Variants in PRKN observed in about 807,000 individuals in gnomAD.
PRKN encodes E3 ubiquitin-protein ligase parkin.
PRKN carries 56 observed loss-of-function variants against 59.5 expected under a neutral mutation model. The ratio of observed to expected loss-of-function variants is 0.94; its 90% CI spans 0.76 to 1.18. The LOEUF is 1.18. PRKN is among the 50% of genes most tolerant of loss of function. The pLI, the probability that PRKN is intolerant of heterozygous loss-of-function variation, is 0.00. For missense variants in PRKN, 657 were observed against 596.4 expected (o/e 1.10, Z -1.06); for synonymous variants, 250 against 222.1 (o/e 1.13, Z -1.12).
chr6:162,319,129 G>T lies in PRKN; in HGVS notation c.172-56364C>A, dbSNP rs1317014059. 2.0e-5 allele frequency among the ~76,000 whole-genome samples: 3 copies of T among 151,850 alleles called. 1 individual carries two copies. The South Asian group carries it at 6.2e-4, about 31-fold the overall frequency. ...GTCACAAATTGATTTTTTTATAATA[G>T]TGTGTAATTACGAAATAAGAAACAA... On this transcript the variant is annotated intron_variant, in intron 2 of 11. Coordinates refer to ENST00000366898, the MANE Select transcript of PRKN (RefSeq NM_004562.3).
At chr6:161,630,942 A>C (rs1215913976) in intron 7 of PRKN, among the ~76,000 whole-genome samples, 5 of 152,236 alleles carry the variant, frequency 3.3e-5, no homozygotes, top group African/African-American at 1.2e-4. Context: ...AATAGGATAC[A>C]GACAAAAACA....
intron 7 of PRKN, among the ~76,000 whole-genome samples, chr6:161,768,559 AAAAC>A (rs1444659809): frequency 6.6e-6 from 1 of 152,090 alleles, no homozygotes; most frequent in Non-Finnish European, 1.5e-5. Flanking sequence ...AAAAGATAGA[AAAAC>A]AAAAAAAATT....
At chr6:162,514,000 T>C (rs903164026) in intron 1 of PRKN, among the ~76,000 whole-genome samples, 18 of 151,644 alleles carry the variant, frequency 1.2e-4, no homozygotes, top group Non-Finnish European at 2.4e-4. Context: ...AAGCCAAGAT[T>C]GCACCACTGC....
chr6:161,778,719 G>C (rs1790061750), intron 7 of PRKN, among the ~76,000 whole-genome samples: 1 of 152,068 alleles, frequency 6.6e-6, no homozygotes, highest in South Asian at 2.1e-4. Context: ...AACCTCCAGA[G>C]AAACATTCCA....
chr6:161,571,278 T>C (rs1004572328), intron 7 of PRKN, among the ~76,000 whole-genome samples: 2 of 152,216 alleles, frequency 1.3e-5, no homozygotes, highest in African/African-American at 4.8e-5. Flanking sequence ...ACAAAATTGA[T>C]ATAAAAACCT....
At chr6:161,364,931 A>T (rs1785136592) in intron 10 of PRKN, among the ~76,000 whole-genome samples, 1 of 70,518 alleles carries the variant, frequency 1.4e-5, no homozygotes, top group Non-Finnish European at 3.2e-5. Flanking sequence ...ACTTTGTCTC[A>T]AAAAAAAAAA....
chr6:162,078,716 A>G (rs1419731575), intron 4 of PRKN, among the ~76,000 whole-genome samples: 1 of 152,078 alleles, frequency 6.6e-6, no homozygotes, highest in Non-Finnish European at 1.5e-5. Flanking sequence ...AAAACTATAA[A>G]TAATGTATTG....
chr6:162,174,304 T>C (rs1261798867), intron 4 of PRKN, among the ~76,000 whole-genome samples: 1 of 152,200 alleles, frequency 6.6e-6, no homozygotes, highest in Non-Finnish European at 1.5e-5. Flanking sequence ...TTCCCTTCCA[T>C]CAGCACGCAG....
rs146256455 is a variant in PRKN, at chr6:161,429,762, T to C, written c.1084-42885A>G. Among the ~76,000 whole-genome samples, 3 of 152,256 alleles carry C rather than the reference T, an allele frequency of 2.0e-5. No individual in the cohort carries two copies. In the East Asian group the frequency reaches 5.8e-4, roughly 29 times the overall value. ...TTTCTTCAGTAATTCAGAATACTCC[T>C]AAGTGAGTATGGCCACTTGGATACC... On this transcript the variant is annotated intron_variant, in intron 9 of 11. Transcript: ENST00000366898. The surrounding 1 kb of genome is among the most constrained non-coding windows in gnomAD (Gnocchi z 4.2).
chr6:161,492,364 T>G (rs1777590944), intron 9 of PRKN, among the ~76,000 whole-genome samples: 1 of 152,158 alleles, frequency 6.6e-6, no homozygotes. Context: ...CAGTTGAAAT[T>G]GATAAGGGGT....
intron 6 of PRKN, among the ~76,000 whole-genome samples, chr6:161,829,142 C>T (rs935262503): frequency 1.3e-5 from 2 of 152,154 alleles, no homozygotes; most frequent in African/African-American, 4.8e-5. Flanking sequence ...AGGAAAATCA[C>T]TTGAACCTGA....
chr6:161,750,102 T>TACAC (rs1562654158), intron 7 of PRKN, among the ~76,000 whole-genome samples: 21 of 93,788 alleles, frequency 2.2e-4, no homozygotes, highest in African/African-American at 9.1e-4. Context: ...ATAGGACATA[T>TACAC]ATATATATAT....
chr6:161,848,346 T>C (rs564596211), intron 6 of PRKN, among the ~76,000 whole-genome samples: 2 of 152,294 alleles, frequency 1.3e-5, no homozygotes, highest in East Asian at 1.9e-4. Context: ...TAATTTGATA[T>C]AGCATCAAAA....
chr6:161,538,288 T>A lies in PRKN; in HGVS notation c.1083+10566A>T, dbSNP rs1385374105. 6.6e-6 allele frequency among the ~76,000 whole-genome samples: 1 copy of A among 152,176 alleles called. No homozygotes were observed. The highest frequency in any genetic ancestry group is 1.5e-5 in the Non-Finnish European group (1 of 68,034). On this transcript the variant is annotated intron_variant, in intron 9 of 11. Transcript: ENST00000366898. The surrounding 1 kb of genome is among the most constrained non-coding windows in gnomAD (Gnocchi z 4.2). ...AAACAGACAGGCAAGGGTTATACAT[T>A]TGACCTGGGCCTTACCCATGGCCTT... is the stretch of plus-strand genomic sequence containing the variant.
intron 4 of PRKN, among the ~76,000 whole-genome samples, chr6:162,058,545 G>T (rs761058973): frequency 1.3e-5 from 2 of 152,164 alleles, no homozygotes; most frequent in Admixed American, 1.3e-4. Context: ...ATTTCGCTGT[G>T]GTTAACCATT....
At chr6:162,542,860 G>C (rs762784289) in intron 1 of PRKN, among the ~76,000 whole-genome samples, 18 of 152,110 alleles carry the variant, frequency 1.2e-4, no homozygotes, top group Admixed American at 3.3e-4. Context: ...GGGTCATCTC[G>C]GTTGGGCTTG....
At chr6:162,639,266 C>T (rs1052044487) in intron 1 of PRKN, among the ~76,000 whole-genome samples, 7 of 151,950 alleles carry the variant, frequency 4.6e-5, no homozygotes, top group Admixed American at 2.0e-4. Context: ...TGTTAAAGTA[C>T]GAGTTTCAAC....
intron 6 of PRKN, among the ~76,000 whole-genome samples, chr6:161,866,891 A>G (rs1010803689): frequency 1.2e-4 from 18 of 152,160 alleles, no homozygotes; most frequent in Non-Finnish European, 2.2e-4. Flanking sequence ...TTTTCTCTCT[A>G]GAGTTGGCTC....
At chr6:162,439,451 G>C (rs1789946787) in intron 2 of PRKN, among the ~76,000 whole-genome samples, 1 of 150,024 alleles carries the variant, frequency 6.7e-6, no homozygotes, top group African/African-American at 2.5e-5. Flanking sequence ...AGCTTCTTCA[G>C]TTCCACATCT....
Sources: allele counts gnomAD v4.1 joint callset (sites outside exome capture counted in the v4.1 genomes callset), GRCh38; gene constraint gnomAD v4.1.1; non-coding constraint Gnocchi (gnomAD v3.1); transcripts MANE v1.5; gene names NCBI Gene and HGNC (gene_info 2026-07-23, HGNC 2026-07-21).